Variants in ZDHHC20 observed in about 807,000 individuals in gnomAD.
ZDHHC20 encodes zDHHC palmitoyltransferase 20.
A neutral mutation model predicts 57.8 loss-of-function variants in ZDHHC20; 43 were observed. The observed-to-expected ratio is 0.74, with a 90% CI of 0.58 to 0.96. The LOEUF is 0.96. ZDHHC20 is among the 40% of genes least tolerant of loss of function. ZDHHC20 has a pLI of 0.00. For synonymous variants in ZDHHC20, 157 were observed against 153.0 expected (o/e 1.03, Z -0.19); for missense variants, 391 against 441.1 (o/e 0.89, Z 1.02).
At chr13:21,380,919 G>A (rs1159783497) in intron 11 of ZDHHC20, among the ~76,000 whole-genome samples, 9 of 151,910 alleles carry the variant, frequency 5.9e-5, no homozygotes, top group Non-Finnish European at 1.2e-4. Flanking sequence ...AACATGAGCC[G>A]CTATACTCTC....
At chr13:21,381,687 A>C (rs1374629214) in intron 10 of ZDHHC20, 138 bp from the exon 11 acceptor site, 2 of 629,794 alleles carry the variant, frequency 3.2e-6, no homozygotes, top group African/African-American at 3.7e-5. Context: ...CTCTGAAAAA[A>C]CTATCTTCAA....
chr13:21,427,834 CAAAAAAAAAAAA>C (rs755599024), intron 1 of ZDHHC20, among the ~76,000 whole-genome samples: 3 of 92,526 alleles, frequency 3.2e-5, no homozygotes, highest in Non-Finnish European at 5.9e-5. Context: ...GACTCTGTTT[CAAAAAAAAAAAA>C]AAAAAAAAAC....
At chr13:21,438,591 A>G (rs1882795117) in intron 1 of ZDHHC20, among the ~76,000 whole-genome samples, 1 of 152,236 alleles carries the variant, frequency 6.6e-6, no homozygotes, top group Non-Finnish European at 1.5e-5. Flanking sequence ...TTGACATGGC[A>G]TCTATACCTG....
chr13:21,398,930 G>A (rs1054158936), intron 7 of ZDHHC20, among the ~76,000 whole-genome samples: 8 of 152,220 alleles, frequency 5.3e-5, no homozygotes, highest in African/African-American at 1.9e-4. Flanking sequence ...AGAACCAACA[G>A]TGAGACAGCC....
chr13:21,414,234 T>C (rs1879619744), intron 3 of ZDHHC20, among the ~76,000 whole-genome samples: 1 of 151,648 alleles, frequency 6.6e-6, no homozygotes, highest in Non-Finnish European at 1.5e-5. Context: ...GAGTCTTTTT[T>C]TTTTTTTTTT....
At chr13:21,379,194 C>T (rs775457383) in intron 11 of ZDHHC20, among the ~76,000 whole-genome samples, 8 of 152,100 alleles carry the variant, frequency 5.3e-5, no homozygotes, top group Non-Finnish European at 7.4e-5. Context: ...ACAAAAAAAC[C>T]TCAGAAATTC....
chr13:21,412,865 A>C (rs1040370844), intron 4 of ZDHHC20, among the ~76,000 whole-genome samples: 2 of 147,124 alleles, frequency 1.4e-5, no homozygotes, highest in East Asian at 4.3e-4. Flanking sequence ...CCTACTCAGG[A>C]GGCTGAGGCA....
chr13:21,441,953 C>T (rs1207089785), intron 1 of ZDHHC20, among the ~76,000 whole-genome samples: 1 of 152,008 alleles, frequency 6.6e-6, no homozygotes, highest in East Asian at 1.9e-4. Flanking sequence ...ACAATGTTAC[C>T]AAGTAATAGA....
At chr13:21,395,682 G>A (rs975683711) in intron 7 of ZDHHC20, among the ~76,000 whole-genome samples, 1 of 150,916 alleles carries the variant, frequency 6.6e-6, no homozygotes, top group Non-Finnish European at 1.5e-5. Context: ...TGTATTTTTA[G>A]TAGAGATGGG....
intron 2 of ZDHHC20, 27 bp from the exon 3 acceptor site, chr13:21,421,191 CA>C (rs1381113443): frequency 6.3e-7 from 1 of 1,588,188 alleles, no homozygotes; most frequent in African/African-American, 1.3e-5. Flanking sequence ...AATAACAGTT[CA>C]TTGAATCCAG....
Position 21,413,703 on chromosome 13 carries a change from A to G in ZDHHC20, c.319T>C (p.Leu107=). 1 of 1,611,806 alleles carries G rather than the reference A, an allele frequency of 6.2e-7. No homozygotes were observed. Among genetic ancestry groups the G allele is most frequent in the East Asian group, 2.2e-5 (1 of 44,706 alleles). The change falls in exon 4 of 13, where the codon TTG becomes CTG. Residue 107 remains leucine (L), a synonymous_variant. Transcript: ENST00000400590. The stretch of plus-strand genomic sequence containing the variant: ...GGTAAAGCTCTTGCTGCTCTTCTCA[A>G]AATTTCTTGTTGTCTTTCTTGGCTG... ...EFSQERQQEI[L]RRAARALPIY... is the part of the protein sequence containing the mutation.
intron 8 of ZDHHC20, among the ~76,000 whole-genome samples, chr13:21,391,037 C>T (rs554803971): frequency 6.6e-5 from 10 of 151,826 alleles, no homozygotes; most frequent in Non-Finnish European, 1.5e-4. Context: ...CTGTCTATCC[C>T]TTATAGATTA....
chr13:21,376,528 C>T lies in ZDHHC20; in HGVS notation c.*168G>A, dbSNP rs1297704475. 2 of 663,818 alleles carry T rather than the reference C, an allele frequency of 3.0e-6. No individual in the cohort carries two copies. The highest frequency in any genetic ancestry group is 2.3e-6 in the Non-Finnish European group (1 of 433,974). The allele number at this position is 663,818 out of a possible 1,614,324, so 41.1% of individuals were successfully genotyped here. A position where few individuals can be genotyped will look rare whatever the true frequency, so the allele number is the denominator to read the frequency against. ...CTCTGGAGTAGTGCTTCTGTGAATC[C>T]CAGGAACTGTACAAAGGCTTTCCGT... On this transcript the variant is annotated 3_prime_UTR_variant, in exon 13 of 13. Coordinates refer to ENST00000400590, the MANE Select transcript of ZDHHC20 (RefSeq NM_001330059.2).
intron 1 of ZDHHC20, among the ~76,000 whole-genome samples, chr13:21,430,967 T>G (rs1332600017): frequency 6.6e-6 from 1 of 152,216 alleles, no homozygotes; most frequent in African/African-American, 2.4e-5. Context: ...AAGTCCCTGC[T>G]TGTCCTTTTA....
At chr13:21,415,175 GA>G (rs1366866608) in intron 3 of ZDHHC20, among the ~76,000 whole-genome samples, 3 of 152,134 alleles carry the variant, frequency 2.0e-5, no homozygotes, top group Non-Finnish European at 4.4e-5. Flanking sequence ...CTGAGTTGAG[GA>G]AATTATGATT....
intron 1 of ZDHHC20, among the ~76,000 whole-genome samples, chr13:21,438,586 A>G (rs1882794142): frequency 2.0e-5 from 3 of 152,234 alleles, no homozygotes; most frequent in African/African-American, 7.2e-5. Flanking sequence ...TTTTTTTGAC[A>G]TGGCATCTAT....
Position 21,375,347 on chromosome 13 carries a change from GGGT to G in ZDHHC20, c.*1346_*1348del. 2 of 365,302 alleles carry G rather than the reference GGGT, an allele frequency of 5.5e-6. No individual in the cohort carries two copies. Among genetic ancestry groups the G allele is most frequent in the Admixed American group, 3.6e-5 (1 of 27,952 alleles). The allele number at this position is 365,302 out of a possible 1,614,324, so 22.6% of individuals were successfully genotyped here. A position where few individuals can be genotyped will look rare whatever the true frequency, so the allele number is the denominator to read the frequency against. On this transcript the variant is annotated 3_prime_UTR_variant, in exon 13 of 13. Coordinates refer to ENST00000400590, the MANE Select transcript of ZDHHC20 (RefSeq NM_001330059.2). ...TGGAAGCAATCAATTATTTTGGGGG[GGGT>G]GTGTGTGTGTGTGTGTCTGTCTGTC...
intron 1 of ZDHHC20, among the ~76,000 whole-genome samples, chr13:21,449,884 G>A (rs1017301852): frequency 5.9e-5 from 9 of 152,008 alleles, no homozygotes; most frequent in Non-Finnish European, 1.2e-4. Flanking sequence ...TGCCCACCTC[G>A]GCCTCCCAAA....
intron 1 of ZDHHC20, among the ~76,000 whole-genome samples, chr13:21,452,473 C>G (rs1275414340): frequency 1.3e-5 from 2 of 151,972 alleles, no homozygotes; most frequent in Non-Finnish European, 2.9e-5. Flanking sequence ...TTAAAAGAGG[C>G]CCTTCAGGCA....
Sources: gnomAD v4.1 joint callset for allele counts (sites outside exome capture counted in the v4.1 genomes callset) on GRCh38, gnomAD v4.1.1 for gene constraint, MANE v1.5 for transcripts, NCBI Gene and HGNC (gene_info 2026-07-23, HGNC 2026-07-21) for gene names.